RGS6: variants seen among roughly 807,000 people sequenced by gnomAD.
RGS6 encodes regulator of G protein signaling 6.
In RGS6, 30 loss-of-function variants were observed where a neutral mutation model predicts 78.5. The observed-to-expected ratio is 0.38, with a 90% CI of 0.29 to 0.52. The LOEUF (loss-of-function observed/expected upper bound fraction) is 0.52, where lower values mean the gene tolerates loss of function less well. Ranked by LOEUF, RGS6 falls within the 20% of genes least tolerant of loss-of-function variation. The pLI is 0.85. For missense variants in RGS6, 495 were observed against 609.7 expected (o/e 0.81, Z 1.98); for synonymous variants, 206 against 206.0 (o/e 1.00, Z 0.00).
chr14:72,122,561 T>C (rs912674255), intron 2 of RGS6, among the ~76,000 whole-genome samples: 27 of 152,310 alleles, frequency 1.8e-4, no homozygotes, highest in African/African-American at 6.5e-4. Flanking sequence ...TTTCCTTTAA[T>C]GTTCCCATCT....
chr14:72,148,332 A>T (rs2096636987), intron 2 of RGS6, among the ~76,000 whole-genome samples: 1 of 151,958 alleles, frequency 6.6e-6, no homozygotes, highest in Non-Finnish European at 1.5e-5. Flanking sequence ...CATGAGTTCG[A>T]GGCTGCAGTA....
At chr14:72,292,663 G>T (rs1259465099) in intron 2 of RGS6, among the ~76,000 whole-genome samples, 2 of 152,202 alleles carry the variant, frequency 1.3e-5, no homozygotes, top group African/African-American at 4.8e-5. Flanking sequence ...AATTCTTTCT[G>T]CAAGATGAAC....
intron 2 of RGS6, among the ~76,000 whole-genome samples, chr14:72,199,447 T>G (rs1489497042): frequency 6.6e-6 from 1 of 152,226 alleles, no homozygotes; most frequent in East Asian, 1.9e-4. Context: ...ATGCCAACAG[T>G]CCAAGAGATT....
chr14:72,338,129 C>T (rs2076373935), intron 2 of RGS6, among the ~76,000 whole-genome samples: 1 of 152,180 alleles, frequency 6.6e-6, no homozygotes, highest in Non-Finnish European at 1.5e-5. Context: ...TGCTGCTTGT[C>T]CTGCCATGTA....
intron 1 of RGS6, among the ~76,000 whole-genome samples, chr14:71,961,106 G>A (rs1172283625): frequency 4.6e-5 from 7 of 152,298 alleles, no homozygotes; most frequent in East Asian, 3.9e-4. Flanking sequence ...TAGGAATTCC[G>A]TCATGGGGAG....
At chr14:72,076,952 T>TTATATA (rs10642376) in intron 2 of RGS6, among the ~76,000 whole-genome samples, 17 of 145,492 alleles carry the variant, frequency 1.2e-4, no homozygotes, top group African/African-American at 3.3e-4. Flanking sequence ...CAGCCAAATT[T>TTATATA]TATATATATA....
At chr14:72,284,035 T>A (rs1466849939) in intron 2 of RGS6, among the ~76,000 whole-genome samples, 1 of 152,212 alleles carries the variant, frequency 6.6e-6, no homozygotes, top group Non-Finnish European at 1.5e-5. Flanking sequence ...TAGAGATTTG[T>A]GGAACTTTGA....
At chr14:72,585,126 G>A in the RGS6 span, among the ~76,000 whole-genome samples, 2 of 152,106 alleles carry the variant, frequency 1.3e-5, no homozygotes, top group African/African-American at 2.4e-5. Context: ...GAATACTAAC[G>A]ACTCCCAAAT....
chr14:72,337,843 T>C (rs953698518), intron 2 of RGS6, among the ~76,000 whole-genome samples: 43 of 152,246 alleles, frequency 2.8e-4, no homozygotes, highest in African/African-American at 7.5e-4. Flanking sequence ...CTGAATTTCA[T>C]TGTGCAGCCT....
At chr14:72,306,855 A>C (rs561439612) in intron 2 of RGS6, among the ~76,000 whole-genome samples, 15 of 152,376 alleles carry the variant, frequency 9.8e-5, no homozygotes, top group Admixed American at 4.6e-4. Context: ...AGTATTTAGA[A>C]TATTACATAA....
At chr14:72,061,470 T>C (rs972708059) in intron 2 of RGS6, among the ~76,000 whole-genome samples, 1 of 152,198 alleles carries the variant, frequency 6.6e-6, no homozygotes, top group Non-Finnish European at 1.5e-5. Context: ...TTAACTGTAC[T>C]CTTTATTTAG....
the RGS6 span, among the ~76,000 whole-genome samples, chr14:71,899,719 T>C: frequency 3.3e-5 from 5 of 152,236 alleles, no homozygotes; most frequent in Non-Finnish European, 7.3e-5. Flanking sequence ...CTCTTCTGGA[T>C]GTAGAATGTA....
intron 15 of RGS6, among the ~76,000 whole-genome samples, chr14:72,534,769 T>C (rs1440354850): frequency 1.3e-5 from 2 of 152,138 alleles, no homozygotes; most frequent in East Asian, 3.9e-4. Flanking sequence ...GCCTCCTCCT[T>C]CGATCCCTTC....
Position 72,080,343 on chromosome 14 carries a change from A to G in RGS6, c.84+115468A>G, listed in dbSNP as rs144723198. 6.6e-5 allele frequency among the ~76,000 whole-genome samples: 10 copies of G among 151,942 alleles called. 1 individual carries two copies. The East Asian group carries it at 9.7e-4, about 15-fold the overall frequency. ...ATATGTCTTCTTTTGAGAAATGTCT[A>G]TTGAGGTCCTTTGCCCATTTTAAAA... On this transcript the variant is annotated intron_variant, in intron 2 of 17. Coordinates refer to ENST00000553525, the MANE Select transcript of RGS6 (RefSeq NM_001204424.2).
intron 2 of RGS6, among the ~76,000 whole-genome samples, chr14:72,314,230 G>A (rs1170731592): frequency 6.6e-6 from 1 of 152,156 alleles, no homozygotes; most frequent in African/African-American, 2.4e-5. Flanking sequence ...ATGCTTGGAG[G>A]CAGACCACCG....
intron 17 of RGS6, chr14:72,550,425 C>A: frequency 1.3e-6 from 2 of 1,518,136 alleles, no homozygotes; most frequent in Non-Finnish European, 1.8e-6. Context: ...CACTAAGCAC[C>A]AAGTACATCT....
At chr14:72,035,252 T>C (rs1197559855) in intron 2 of RGS6, among the ~76,000 whole-genome samples, 2 of 152,186 alleles carry the variant, frequency 1.3e-5, no homozygotes, top group Non-Finnish European at 2.9e-5. Context: ...TAGGAATTTA[T>C]TCCTTTTAGA....
At chr14:72,241,740 T>C (rs150255092) in intron 2 of RGS6, among the ~76,000 whole-genome samples, 15 of 152,352 alleles carry the variant, frequency 9.8e-5, no homozygotes, top group Admixed American at 5.2e-4. Context: ...TACCTCTAAT[T>C]ATCTATTTTA....
intron 6 of RGS6, among the ~76,000 whole-genome samples, chr14:72,461,194 A>C (rs2095770153): frequency 6.6e-6 from 1 of 152,236 alleles, no homozygotes; most frequent in African/African-American, 2.4e-5. Context: ...GAATAATTAT[A>C]GCTCAGTTCC....
Sources: allele counts gnomAD v4.1 joint callset (sites outside exome capture counted in the v4.1 genomes callset), GRCh38; gene constraint gnomAD v4.1.1; transcripts MANE v1.5; gene names NCBI Gene and HGNC (gene_info 2026-07-23, HGNC 2026-07-21).